H2BC1: variants seen among roughly 807,000 people sequenced by gnomAD.
H2BC1 encodes H2B clustered histone 1, also known as histone H2B type 1-A.
In H2BC1, 5 loss-of-function variants were observed where a neutral mutation model predicts 5.4. That is an observed-to-expected ratio of 0.92 (90% CI 0.48 to 1.94). The LOEUF (loss-of-function observed/expected upper bound fraction) is 1.94, where lower values mean the gene tolerates loss of function less well. Ranked by LOEUF, H2BC1 falls within the 30% of genes most tolerant of loss-of-function variation. The probability of loss-of-function intolerance (pLI) is 0.01; values close to 1 mark genes in which losing one functional copy is unlikely to be tolerated. For missense variants in H2BC1, 210 were observed against 159.1 expected, an observed-to-expected ratio of 1.32 and a Z score of -1.72; for synonymous variants, 131 against 58.2, an observed-to-expected ratio of 2.25 and a Z score of -5.69.
chr6:25,727,106 C>T lies in H2BC1; in HGVS notation c.198C>T (p.Ser66=), dbSNP rs4712961. ...ISSKAMSIMN[S]FVTDIFERIA... ...CGAAAGCTATGAGCATTATGAATTCCTTCGTCACTGATATCTTTGAGCGTA... is the reference window on the plus strand; with the variant it reads ...CGAAAGCTATGAGCATTATGAATTCTTTCGTCACTGATATCTTTGAGCGTA... Residue 66 remains serine (S), a synonymous_variant, in exon 1 of 1, where the codon TCC becomes TCT. Coordinates refer to ENST00000274764, the MANE Select transcript of H2BC1 (RefSeq NM_170610.3). 482,990 of 1,613,964 alleles carry T rather than the reference C, an allele frequency of 0.3. 80,186 individuals carry two copies. Among genetic ancestry groups the T allele is most frequent in the East Asian group, 0.71 (31,923 of 44,864 alleles).
At position 25,726,853 on chromosome 6, in the gene H2BC1, A is replaced by G. The variant is rs574523182; in HGVS notation, c.-56A>G. On this transcript the variant is annotated 5_prime_UTR_variant, in exon 1 of 1. Transcript: ENST00000274764. ...ACTGAAGAGCTGTTGAGCACTGGAAAGTGCTGTGTAACCCTGGAAAAGAAC... is the reference window on the plus strand; with the variant it reads ...ACTGAAGAGCTGTTGAGCACTGGAAGGTGCTGTGTAACCCTGGAAAAGAAC... 4.2e-5 allele frequency: 65 copies of G among 1,550,308 alleles called. No homozygotes were observed. In the South Asian group the frequency reaches 6.8e-4, roughly 16 times the overall value.
At position 25,727,148 on chromosome 6, in the gene H2BC1, A is replaced by G. The variant is rs1180342221; in HGVS notation, c.240A>G (p.Ser80=). Reference sequence around the variant, plus strand: ...TTGAGCGTATAGCGAGCGAGGCATCACGTTTGGCTCACTACAGCAAGCGCT... The same window carrying G: ...TTGAGCGTATAGCGAGCGAGGCATCGCGTTTGGCTCACTACAGCAAGCGCT... ...DIFERIASEA[S]RLAHYSKRST... is the part of the protein sequence containing the mutation. The change falls in exon 1 of 1, where the codon TCA becomes TCG. Residue 80 remains serine (S), a synonymous_variant. Coordinates refer to ENST00000274764, the MANE Select transcript of H2BC1 (RefSeq NM_170610.3). The G allele has an allele frequency of 1.9e-6, 3 of 1,614,202 alleles. No individual in the cohort carries two copies. Among genetic ancestry groups the G allele is most frequent in the Admixed American group, 1.7e-5 (1 of 60,024 alleles).
At position 25,726,959 on chromosome 6, in the gene H2BC1, G is replaced by GT; in HGVS notation, c.51_52insT (p.Lys18Ter). The GT allele has an allele frequency of 6.2e-7, 1 of 1,614,086 alleles. No individual in the cohort carries two copies. The highest frequency in any genetic ancestry group is 8.5e-7 in the Non-Finnish European group (1 of 1,180,016). ...CTACCATTTCCAAGAAGGGCTTTAAGAAAGCTGTCGTTAAGACCCAGAAAA... is the reference window on the plus strand; with the variant it reads ...CTACCATTTCCAAGAAGGGCTTTAAGTAAAGCTGTCGTTAAGACCCAGAAAA... On this transcript the variant is annotated frameshift_variant, in exon 1 of 1. Coordinates refer to ENST00000274764, the MANE Select transcript of H2BC1 (RefSeq NM_170610.3). LOFTEE classifies it low-confidence loss of function (END_TRUNC).
rs377110333 is a variant in H2BC1 at position 25,726,951 on chromosome 6, G to A, written c.43G>A (p.Gly15Ser). ...TAAAGGTGCTACCATTTCCAAGAAGGGCTTTAAGAAAGCTGTCGTTAAGAC... is the reference window on the plus strand; with the variant it reads ...TAAAGGTGCTACCATTTCCAAGAAGAGCTTTAAGAAAGCTGTCGTTAAGAC... Reference protein sequence around the residue: ...SSKGATISKKGFKKAVVKTQK... With the variant: ...SSKGATISKKSFKKAVVKTQK... Residue 15 changes from glycine (G) to serine (S), a missense_variant, in exon 1 of 1, where the codon GGC (glycine) becomes AGC (serine). Gly to Ser is a moderately conservative substitution (Grantham distance 56, BLOSUM62 0). Transcript: ENST00000274764. 73 of 1,613,848 alleles carry A rather than the reference G, an allele frequency of 4.5e-5. No homozygotes were observed. Among genetic ancestry groups the A allele is most frequent in the Admixed American group, 5.0e-5 (3 of 59,978 alleles).
rs1760274462 is a variant in H2BC1 at position 25,726,946 on chromosome 6, A to AG, written c.39dup (p.Lys14GlufsTer4). 1.2e-6 allele frequency: 2 copies of AG among 1,613,910 alleles called. No individual in the cohort carries two copies. On this transcript the variant is annotated frameshift_variant, in exon 1 of 1. Coordinates refer to ENST00000274764, the MANE Select transcript of H2BC1 (RefSeq NM_170610.3). LOFTEE classifies it low-confidence loss of function (END_TRUNC). ...TCATCTAAAGGTGCTACCATTTCCA[A>AG]GAAGGGCTTTAAGAAAGCTGTCGTT...
rs1582606662 is a variant in H2BC1, at chr6:25,726,895, A to G, written c.-14A>G. 6.2e-7 allele frequency: 1 copy of G among 1,606,260 alleles called. No homozygotes were observed. Among genetic ancestry groups the G allele is most frequent in the African/African-American group, 1.3e-5 (1 of 74,804 alleles). On this transcript the variant is annotated 5_prime_UTR_variant, in exon 1 of 1. Coordinates refer to ENST00000274764, the MANE Select transcript of H2BC1 (RefSeq NM_170610.3). Reference sequence around the variant, plus strand: ...GAAAAGAACCGTGTAACGCTGCAGAAGTGTGTGGTAGCTATGCCGGAGGTG... The same window carrying G: ...GAAAAGAACCGTGTAACGCTGCAGAGGTGTGTGGTAGCTATGCCGGAGGTG...
Position 25,727,337 on chromosome 6 carries a change from A to G in H2BC1, c.*45A>G. The stretch of plus-strand genomic sequence containing the variant: ...TTTCTAACCCAAAGGCTCTTTTCAG[A>G]GCCACTTAAACATACTGAAACAGCT... On this transcript the variant is annotated 3_prime_UTR_variant, in exon 1 of 1. Coordinates refer to ENST00000274764, the MANE Select transcript of H2BC1 (RefSeq NM_170610.3). 6.6e-7 allele frequency: 1 copy of G among 1,520,014 alleles called. No individual in the cohort carries two copies. Among genetic ancestry groups the G allele is most frequent in the South Asian group, 1.3e-5 (1 of 76,310 alleles). 94.2% of individuals were successfully genotyped at this position (1,520,014 alleles called of 1,614,324 possible). A position where few individuals can be genotyped will look rare whatever the true frequency, so the allele number is the denominator to read the frequency against.
chr6:25,727,185 TC>T lies in H2BC1; in HGVS notation c.279del (p.Arg94GlufsTer39), dbSNP rs1471788165. 2 of 1,613,958 alleles carry T rather than the reference TC, an allele frequency of 1.2e-6. No homozygotes were observed. The highest frequency in any genetic ancestry group is 1.7e-5 in the Admixed American group (1 of 59,998). The stretch of plus-strand genomic sequence containing the variant: ...CTACAGCAAGCGCTCCACCATTTCT[TC>T]CAGAGAGATTCAGACAGCAGTGCGC... ...AHYSKRSTIS[S>X]REIQTAVRLL... On this transcript the variant is annotated frameshift_variant, in exon 1 of 1. Coordinates refer to ENST00000274764, the MANE Select transcript of H2BC1 (RefSeq NM_170610.3). LOFTEE classifies it high-confidence loss of function.
At position 25,727,073 on chromosome 6, in the gene H2BC1, C is replaced by T. The variant is rs760637004; in HGVS notation, c.165C>T (p.Gly55=). Reference sequence around the variant, plus strand: ...TAAAGCAGGTCCATCCGGACACTGGCATCTCTTCGAAAGCTATGAGCATTA... The same window carrying T: ...TAAAGCAGGTCCATCCGGACACTGGTATCTCTTCGAAAGCTATGAGCATTA... ...KVLKQVHPDT[G]ISSKAMSIMN... Residue 55 remains glycine, a synonymous_variant, in exon 1 of 1, where the codon GGC becomes GGT. Transcript: ENST00000274764. 5.1e-5 allele frequency: 83 copies of T among 1,614,094 alleles called. No individual in the cohort carries two copies. Among genetic ancestry groups the T allele is most frequent in the African/African-American group, 1.1e-4 (8 of 74,934 alleles).
Position 25,726,965 on chromosome 6 carries a change from T to C in H2BC1, c.57T>C (p.Ala19=), listed in dbSNP as rs776622953. 1 of 1,614,174 alleles carries C rather than the reference T, an allele frequency of 6.2e-7. No individual in the cohort carries two copies. The highest frequency in any genetic ancestry group is 8.5e-7 in the Non-Finnish European group (1 of 1,180,034). The part of the protein sequence containing the change: ...ATISKKGFKK[A]VVKTQKKEGK... ...TTTCCAAGAAGGGCTTTAAGAAAGCTGTCGTTAAGACCCAGAAAAAGGAAG... is the reference window on the plus strand; with the variant it reads ...TTTCCAAGAAGGGCTTTAAGAAAGCCGTCGTTAAGACCCAGAAAAAGGAAG... The change falls in exon 1 of 1, where the codon GCT becomes GCC. Residue 19 remains alanine (A), a synonymous_variant. Coordinates refer to ENST00000274764, the MANE Select transcript of H2BC1 (RefSeq NM_170610.3).
rs2151390677 is a variant in H2BC1, at chr6:25,727,334, C to T, written c.*42C>T. 2.0e-6 allele frequency: 3 copies of T among 1,522,632 alleles called. No homozygotes were observed. Among genetic ancestry groups the T allele is most frequent in the Non-Finnish European group, 2.7e-6 (3 of 1,130,958 alleles). 94.3% of individuals were successfully genotyped at this position (1,522,632 alleles called of 1,614,324 possible). ...TCATTTCTAACCCAAAGGCTCTTTT[C>T]AGAGCCACTTAAACATACTGAAACA... is the stretch of plus-strand genomic sequence containing the variant. On this transcript the variant is annotated 3_prime_UTR_variant, in exon 1 of 1. Coordinates refer to ENST00000274764, the MANE Select transcript of H2BC1 (RefSeq NM_170610.3).
Position 25,726,861 on chromosome 6 carries a change from G to A in H2BC1, c.-48G>A, listed in dbSNP as rs186321484. On this transcript the variant is annotated 5_prime_UTR_variant, in exon 1 of 1. Transcript: ENST00000274764. ...GCTGTTGAGCACTGGAAAGTGCTGTGTAACCCTGGAAAAGAACCGTGTAAC... is the reference window on the plus strand; with the variant it reads ...GCTGTTGAGCACTGGAAAGTGCTGTATAACCCTGGAAAAGAACCGTGTAAC... 1.5e-5 allele frequency: 24 copies of A among 1,567,938 alleles called. No homozygotes were observed. In the Admixed American group the frequency reaches 2.6e-4, roughly 17 times the overall value.
rs141897280 is a variant in H2BC1 at position 25,726,930 on chromosome 6, G to T, written c.22G>T (p.Gly8Cys). The T allele has an allele frequency of 3.2e-5, 52 of 1,613,416 alleles. No homozygotes were observed. The highest frequency in any genetic ancestry group is 4.4e-5 in the Non-Finnish European group (52 of 1,179,844). The change falls in exon 1 of 1, where the codon GGT becomes TGT. Residue 8 changes from glycine to cysteine, a missense_variant. Coordinates refer to ENST00000274764, the MANE Select transcript of H2BC1 (RefSeq NM_170610.3). MPEVSSK[G>C]ATISKKGFKK... ...AGCTATGCCGGAGGTGTCATCTAAA[G>T]GTGCTACCATTTCCAAGAAGGGCTT...
rs1258488302 is a variant in H2BC1, at chr6:25,726,793, A to G, written c.-116A>G. 7 of 1,325,062 alleles carry G rather than the reference A, an allele frequency of 5.3e-6. No homozygotes were observed. In the Admixed American group the frequency reaches 1.6e-4, roughly 30 times the overall value. The allele number at this position is 1,325,062 out of a possible 1,614,324, so 82.1% of individuals were successfully genotyped here. A position where few individuals can be genotyped will look rare whatever the true frequency, so the allele number is the denominator to read the frequency against. ...TCCAGTTCTGTTTGTTTACTTGGCG[A>G]GACTTGGAGCTGAGGTCATTTGGAG... On this transcript the variant is annotated 5_prime_UTR_variant, in exon 1 of 1. Coordinates refer to ENST00000274764, the MANE Select transcript of H2BC1 (RefSeq NM_170610.3).
rs1760271104 is a variant in H2BC1 at position 25,726,892 on chromosome 6, A to G, written c.-17A>G. The G allele has an allele frequency of 1.9e-6, 3 of 1,604,894 alleles. No individual in the cohort carries two copies. Among genetic ancestry groups the G allele is most frequent in the Non-Finnish European group, 2.6e-6 (3 of 1,176,078 alleles). On this transcript the variant is annotated 5_prime_UTR_variant, in exon 1 of 1. Coordinates refer to ENST00000274764, the MANE Select transcript of H2BC1 (RefSeq NM_170610.3). ...CTGGAAAAGAACCGTGTAACGCTGC[A>G]GAAGTGTGTGGTAGCTATGCCGGAG...
rs754456018 is a variant in H2BC1 at position 25,727,208 on chromosome 6, G to A, written c.300G>A (p.Val100=). ...CTTCCAGAGAGATTCAGACAGCAGTGCGCTTGCTACTGCCGGGAGAGCTGG... is the reference window on the plus strand; with the variant it reads ...CTTCCAGAGAGATTCAGACAGCAGTACGCTTGCTACTGCCGGGAGAGCTGG... ...TISSREIQTA[V]RLLLPGELAK... is the part of the protein sequence containing the mutation. Residue 100 remains valine, a synonymous_variant, in exon 1 of 1, where the codon GTG becomes GTA. Transcript: ENST00000274764. The A allele has an allele frequency of 6.2e-6, 10 of 1,613,946 alleles. No homozygotes were observed. The South Asian group carries it at 7.7e-5, about 12-fold the overall frequency.
chr6:25,727,109 C>G lies in H2BC1; in HGVS notation c.201C>G (p.Phe67Leu). 6.2e-7 allele frequency: 1 copy of G among 1,614,194 alleles called. No individual in the cohort carries two copies. The highest frequency in any genetic ancestry group is 8.5e-7 in the Non-Finnish European group (1 of 1,180,026). Residue 67 changes from phenylalanine (F) to leucine (L), a missense_variant, in exon 1 of 1, where the codon TTC becomes TTG. By Grantham distance (22) the Phe-to-Leu change is conservative. Transcript: ENST00000274764. ...AAGCTATGAGCATTATGAATTCCTT[C>G]GTCACTGATATCTTTGAGCGTATAG... Reference protein sequence around the residue: ...SSKAMSIMNSFVTDIFERIAS... With the variant: ...SSKAMSIMNSLVTDIFERIAS...
Position 25,726,919 on chromosome 6 carries a change from T to C in H2BC1, c.11T>C (p.Val4Ala), listed in dbSNP as rs529747773. MPE[V>A]SSKGATISKK... ...AAGTGTGTGGTAGCTATGCCGGAGG[T>C]GTCATCTAAAGGTGCTACCATTTCC... The change falls in exon 1 of 1, where the codon GTG (valine) becomes GCG (alanine). Residue 4 changes from valine (V) to alanine (A), a missense_variant. By Grantham distance (64) the Val-to-Ala change is moderately conservative (BLOSUM62 0). Transcript: ENST00000274764. The C allele has an allele frequency of 1.2e-6, 2 of 1,612,088 alleles. No homozygotes were observed. The highest frequency in any genetic ancestry group is 1.1e-5 in the South Asian group (1 of 90,604).
Position 25,727,291 on chromosome 6 carries a change from A to G in H2BC1, c.383A>G (p.Ter128=). ...KAVTKYTSSK[*] ...GTCACTAAGTACACCAGCTCCAAGT[A>G]AGCCTGCTAAGTAAACGTCATTTCT... The change falls in exon 1 of 1, where the codon TAA becomes TGA. Residue 128 remains the stop codon, a stop_retained_variant. Transcript: ENST00000274764. 2 of 1,587,634 alleles carry G rather than the reference A, an allele frequency of 1.3e-6. No individual in the cohort carries two copies. Among genetic ancestry groups the G allele is most frequent in the Non-Finnish European group, 1.7e-6 (2 of 1,165,428 alleles).
Sources: gnomAD v4.1 joint callset for allele counts on GRCh38, gnomAD v4.1.1 for gene constraint, MANE v1.5 for transcripts, NCBI Gene and HGNC (gene_info 2026-07-23, HGNC 2026-07-21) for gene names.